Variants in SVIL observed in about 807,000 individuals in gnomAD.
The protein encoded by SVIL is archvillin.
Under a neutral mutation model 240.4 loss-of-function variants are expected in SVIL, and 101 were observed. That is an observed-to-expected ratio of 0.42 (90% CI 0.36 to 0.50). The LOEUF is 0.50. Ranked by LOEUF, SVIL falls within the 20% of genes least tolerant of loss-of-function variation. SVIL has a pLI of 0.01. For synonymous variants in SVIL, 999 were observed against 1,100.0 expected (o/e 0.91, Z 1.82); for missense variants, 2,512 against 2,818.7 (o/e 0.89, Z 2.46).
At chr10:29,662,945 T>C (rs1959175500) in intron 2 of SVIL, among the ~76,000 whole-genome samples, 1 of 152,024 alleles carries the variant, frequency 6.6e-6, no homozygotes, top group Admixed American at 6.6e-5. Context: ...ACCCCATCTC[T>C]ACAAAAAAGT....
chr10:29,510,005 C>A (rs577867071), intron 17 of SVIL, among the ~76,000 whole-genome samples: 1 of 152,186 alleles, frequency 6.6e-6, no homozygotes, highest in African/African-American at 2.4e-5. Flanking sequence ...CGAGCTCAAG[C>A]GATCCTCCTG....
chr10:29,549,701 G>T (rs1186006229), intron 6 of SVIL, among the ~76,000 whole-genome samples: 2 of 140,568 alleles, frequency 1.4e-5, no homozygotes, highest in Non-Finnish European at 3.1e-5. Flanking sequence ...CATAAAAAAG[G>T]ATGAGTTCAT....
intron 6 of SVIL, among the ~76,000 whole-genome samples, chr10:29,549,431 A>C (rs1953017315): frequency 8.2e-6 from 1 of 122,008 alleles, no homozygotes; most frequent in South Asian, 2.4e-4. Flanking sequence ...GTGGGACTGT[A>C]AACTAGTTCA....
chr10:29,699,462 C>T (rs1962337705), intron 1 of SVIL, among the ~76,000 whole-genome samples: 2 of 152,130 alleles, frequency 1.3e-5, no homozygotes, highest in African/African-American at 2.4e-5. Flanking sequence ...ACCACCACAC[C>T]AGGCTAATTT....
At chr10:29,546,425 C>T (rs2094681516) in intron 6 of SVIL, among the ~76,000 whole-genome samples, 2 of 152,138 alleles carry the variant, frequency 1.3e-5, no homozygotes, top group Non-Finnish European at 2.9e-5. Flanking sequence ...AACAGGATTT[C>T]TGAGTTAAAA....
intron 1 of SVIL, among the ~76,000 whole-genome samples, chr10:29,633,251 A>G (rs1025282980): frequency 5.3e-5 from 8 of 151,934 alleles, no homozygotes; most frequent in African/African-American, 1.7e-4. Flanking sequence ...AAAAAAAAAA[A>G]AAAAAAAGAC....
chr10:29,703,907 T>C (rs1962703805), intron 1 of SVIL, among the ~76,000 whole-genome samples: 1 of 152,068 alleles, frequency 6.6e-6, no homozygotes, highest in African/African-American at 2.4e-5. Context: ...GCTCAAGTGA[T>C]CCTCCAACCC....
chr10:29,506,856 C>T, intron 17 of SVIL, among the ~76,000 whole-genome samples: 1 of 151,290 alleles, frequency 6.6e-6, no homozygotes, highest in South Asian at 2.1e-4. Flanking sequence ...GGGACAGAGG[C>T]CCTAGGAGGG....
At chr10:29,601,582 T>C (rs1255888142) in intron 1 of SVIL, among the ~76,000 whole-genome samples, 1 of 152,196 alleles carries the variant, frequency 6.6e-6, no homozygotes, top group Non-Finnish European at 1.5e-5. Context: ...GGCTTTCAGC[T>C]CTGATGCAGA....
At chr10:29,465,887 A>G in intron 33 of SVIL, 137 bp from the exon 34 acceptor site, 1 of 1,128,124 alleles carries the variant, frequency 8.9e-7, no homozygotes, top group African/African-American at 1.6e-5. Context: ...TTCAAGGTGG[A>G]GAAAGCCTTT....
intron 12 of SVIL, 60 bp from the exon 13 acceptor site, chr10:29,527,116 A>G: frequency 2.1e-6 from 3 of 1,433,290 alleles, no homozygotes; most frequent in Non-Finnish European, 2.9e-6. Flanking sequence ...AAGAAGCATT[A>G]AGGACAGCAT....
At chr10:29,560,337 G>C (rs1436532341) in intron 3 of SVIL, among the ~76,000 whole-genome samples, 1 of 152,244 alleles carries the variant, frequency 6.6e-6, no homozygotes, top group Non-Finnish European at 1.5e-5. Context: ...TGAATTGCCA[G>C]AACCAACGTA....
chr10:29,523,876 G>T lies in SVIL; in HGVS notation c.2738C>A (p.Ser913Tyr). The T allele has an allele frequency of 1.2e-6, 2 of 1,614,190 alleles. No individual in the cohort carries two copies. The highest frequency in any genetic ancestry group is 1.7e-6 in the Non-Finnish European group (2 of 1,180,042). The change falls in exon 15 of 38, where the codon TCT (serine) becomes TAT (tyrosine). Residue 913 changes from serine to tyrosine, a missense_variant. This residue lies in a region of SVIL where 1,443 missense variants were observed against 1,486.6 expected (regional missense o/e 0.97). Transcript: ENST00000355867. ...TGGAGAGTCCGAATTTTCTATTGAAGAAGAAAACTTATAGTCAGTGGCACT... is the reference window on the plus strand; with the variant it reads ...TGGAGAGTCCGAATTTTCTATTGAATAAGAAAACTTATAGTCAGTGGCACT... ...NASATDYKFSSSIENSDSPVR... is the reference protein window; with the variant it reads ...NASATDYKFSYSIENSDSPVR...
In SVIL at chr10:29,463,529, C is replaced by T; in HGVS notation, c.6240G>A (p.Arg2080=). ...GSARIRWASD[R]KSAMETVLQY... Reference sequence around the variant, plus strand: ...GGAGCACAGTCTCCATCGCACTCTTCCGGTCGGAGGCCCAGCGGATGCGGG... The same window carrying T: ...GGAGCACAGTCTCCATCGCACTCTTTCGGTCGGAGGCCCAGCGGATGCGGG... Residue 2080 remains arginine, a synonymous_variant, in exon 35 of 38, where the codon CGG becomes CGA. Coordinates refer to ENST00000355867, the MANE Select transcript of SVIL (RefSeq NM_021738.3). 1 of 1,614,126 alleles carries T rather than the reference C, an allele frequency of 6.2e-7. No homozygotes were observed. Among genetic ancestry groups the T allele is most frequent in the South Asian group, 1.1e-5 (1 of 91,080 alleles).
intron 1 of SVIL, among the ~76,000 whole-genome samples, chr10:29,613,609 A>G (rs1767896587): frequency 6.6e-6 from 1 of 152,122 alleles, no homozygotes; most frequent in Non-Finnish European, 1.5e-5. Flanking sequence ...AAGTGCTGGG[A>G]TTACAGGCGT....
chr10:29,671,604 A>G (rs1959779570), intron 2 of SVIL, among the ~76,000 whole-genome samples: 1 of 152,214 alleles, frequency 6.6e-6, no homozygotes, highest in South Asian at 2.1e-4. Flanking sequence ...TCCTTGCTAC[A>G]CTAACCAGCT....
rs1964287160 is a variant in SVIL, at chr10:29,726,304, G to A, written c.-400+9447C>T. ...GCAGAGATAGGGATGGTTAGAGGAG[G>A]AAAAGTAAACCTAGGAAGCTACTGA... is the stretch of plus-strand genomic sequence containing the variant. On this transcript the variant is annotated intron_variant, in intron 1 of 35. Transcript: ENST00000375400. Among the ~76,000 whole-genome samples the A allele has an allele frequency of 2.6e-5, 4 of 152,160 alleles. No homozygotes were observed. In the South Asian group the frequency reaches 8.3e-4, roughly 31 times the overall value.
At position 29,487,203 on chromosome 10, in the gene SVIL, A is replaced by T. The variant is rs1283488251; in HGVS notation, c.4445T>A (p.Leu1482Gln). ...FLLLSPHCCF[L>Q]WVGEFANVIE... ...GACGTTTGCAAACTCTCCTACCCAC[A>T]GGAAGCAGCAGTGGGGAGAGAGCAG... Residue 1482 changes from leucine to glutamine, a missense_variant, in exon 24 of 38, where the codon CTG becomes CAG. Around this residue, in one of 3 missense-constraint regions of SVIL, gnomAD observed 272 missense variants for 406.8 expected, o/e 0.67. Transcript: ENST00000355867. The T allele has an allele frequency of 1.2e-6, 2 of 1,614,086 alleles. No homozygotes were observed. The highest frequency in any genetic ancestry group is 3.3e-5 in the Admixed American group (2 of 60,014).
At chr10:29,501,301 C>T (rs28399328) in intron 17 of SVIL, among the ~76,000 whole-genome samples, 59,032 of 150,078 alleles carry the variant, frequency 0.39, 11,933 homozygotes, top group African/African-American at 0.41. Context: ...CTCCTCTTGG[C>T]CACCATATTG....
Sources: allele counts gnomAD v4.1 joint callset (sites outside exome capture counted in the v4.1 genomes callset), GRCh38; gene constraint gnomAD v4.1.1; regional missense constraint gnomAD v4.1.1; transcripts MANE v1.5; gene names NCBI Gene and HGNC (gene_info 2026-07-23, HGNC 2026-07-21).